The following PSMA6 variants were observed in gnomAD, a reference collection of about 807,000 sequenced individuals.
The protein encoded by PSMA6 is proteasome subunit alpha type-6.
For missense variants in PSMA6, 170 were observed against 294.8 expected, an observed-to-expected ratio of 0.58 and a Z score of 3.10; for synonymous variants, 88 against 97.7, an observed-to-expected ratio of 0.90 and a Z score of 0.59.
At chr14:35,291,845 A>AAAAAAAAC (rs1555335877), upstream of PSMA6, among the ~76,000 whole-genome samples, 5 of 146,560 alleles carry the variant, frequency 3.4e-5, no homozygotes, top group Non-Finnish European at 6.0e-5. Flanking sequence ...AAAAAAAAAA[A>AAAAAAAAC]AAGACTAAAA....
intron 1 of PSMA6, among the ~76,000 whole-genome samples, chr14:35,306,220 C>A (rs926501455): frequency 1.3e-5 from 2 of 151,516 alleles, no homozygotes; most frequent in African/African-American, 2.4e-5. Flanking sequence ...CAGAGCAAGA[C>A]CCTATCTCAA....
At chr14:35,287,159 A>C (rs1268573278) in intron 1 of PSMA6, among the ~76,000 whole-genome samples, 2 of 152,168 alleles carry the variant, frequency 1.3e-5, no homozygotes, top group East Asian at 3.8e-4. Flanking sequence ...AAAGACAAAA[A>C]AGGGAAAGAT....
chr14:35,314,537 C>T, intron 6 of PSMA6, 82 bp downstream of exon 6: 1 of 1,384,970 alleles, frequency 7.2e-7, no homozygotes, highest in South Asian at 1.8e-5. Context: ...TGGGGGAAAT[C>T]TTTTTTCTTT....
At chr14:35,280,315 C>T (rs1407266923) in intron 1 of PSMA6, among the ~76,000 whole-genome samples, 4 of 151,966 alleles carry the variant, frequency 2.6e-5, no homozygotes, top group Admixed American at 2.6e-4. Flanking sequence ...TTTTCTTCCA[C>T]TCCCATTGCC....
chr14:35,316,424 A>T (rs1474902689), intron 6 of PSMA6: 13 of 152,040 alleles, frequency 8.6e-5, no homozygotes, highest in African/African-American at 3.1e-4. Context: ...ATATATGTTC[A>T]ACATGGAGCA....
intron 1 of PSMA6, among the ~76,000 whole-genome samples, chr14:35,300,558 G>A (rs1203825731): frequency 6.6e-6 from 1 of 152,102 alleles, no homozygotes; most frequent in Non-Finnish European, 1.5e-5. Flanking sequence ...AAACCCTAAT[G>A]AGTGAATTAA....
intron 1 of PSMA6, chr14:35,292,893 G>C: frequency 2.0e-6 from 1 of 503,012 alleles, no homozygotes; most frequent in South Asian, 1.6e-5. Context: ...TTTCTAAAGG[G>C]TAATTGATTC....
intron 1 of PSMA6, among the ~76,000 whole-genome samples, chr14:35,282,798 T>C (rs1594371972): frequency 1.3e-5 from 2 of 151,856 alleles, no homozygotes; most frequent in East Asian, 4.0e-4. Context: ...CAGGTTGCAG[T>C]GAGCCAAGAT....
upstream of PSMA6, chr14:35,292,200 C>T: frequency 1.2e-6 from 1 of 808,366 alleles, no homozygotes; most frequent in Non-Finnish European, 1.7e-6. Context: ...GAAAGCGCCA[C>T]GACCCAAGTT....
chr14:35,297,580 T>C (rs2051623122), intron 1 of PSMA6, among the ~76,000 whole-genome samples: 1 of 152,184 alleles, frequency 6.6e-6, no homozygotes, highest in Admixed American at 6.5e-5. Context: ...CACGTTTATA[T>C]GGGAGAAAAT....
intron 1 of PSMA6, among the ~76,000 whole-genome samples, chr14:35,306,494 A>G (rs954866855): frequency 3.3e-5 from 5 of 152,124 alleles, no homozygotes; most frequent in Non-Finnish European, 5.9e-5. Context: ...ACCTGAGGTC[A>G]GGAGTTCAAG....
At chr14:35,311,148 A>T (rs1024523781) in intron 4 of PSMA6, 1 of 334,730 alleles carries the variant, frequency 3.0e-6, no homozygotes, top group Non-Finnish European at 5.4e-6. Context: ...GATTTGAAAG[A>T]TGCAAGTCCT....
intron 1 of PSMA6, among the ~76,000 whole-genome samples, chr14:35,298,967 C>G (rs2051654691): frequency 6.6e-6 from 1 of 152,088 alleles, no homozygotes; most frequent in Non-Finnish European, 1.5e-5. Flanking sequence ...CTCCTGACCT[C>G]AAGTGATCCA....
chr14:35,306,154 G>A (rs543819829), intron 1 of PSMA6, among the ~76,000 whole-genome samples: 39 of 151,940 alleles, frequency 2.6e-4, no homozygotes, highest in African/African-American at 8.9e-4. Context: ...ACTTGGGCCC[G>A]GGAGGTCGAG....
upstream of PSMA6, among the ~76,000 whole-genome samples, chr14:35,291,220 CTT>C (rs549426154): frequency 1.6e-4 from 20 of 125,952 alleles, no homozygotes; most frequent in Admixed American, 1.6e-4. Flanking sequence ...GGCTTTCTTT[CTT>C]TTTTTTTTTT....
intron 1 of PSMA6, among the ~76,000 whole-genome samples, chr14:35,301,789 A>G (rs574895384): frequency 3.9e-4 from 60 of 152,116 alleles, no homozygotes; most frequent in Non-Finnish European, 7.3e-4. Flanking sequence ...TAGGGAAGAT[A>G]CTCTTTTGTG....
At chr14:35,290,994 AT>A (rs201736184), upstream of PSMA6, among the ~76,000 whole-genome samples, 125 of 147,012 alleles carry the variant, frequency 8.5e-4, no homozygotes, top group African/African-American at 1.7e-3. Flanking sequence ...TCAGTTCCAC[AT>A]TTTTTTTTTT....
chr14:35,292,625 C>G, intron 1 of PSMA6, 73 bp downstream of exon 1: 1 of 1,571,926 alleles, frequency 6.4e-7, no homozygotes, highest in South Asian at 1.2e-5. Flanking sequence ...CGAGCAGACG[C>G]GGCCCGGGTT....
chr14:35,283,861 C>A (rs1295351476), intron 1 of PSMA6, among the ~76,000 whole-genome samples: 1 of 152,208 alleles, frequency 6.6e-6, no homozygotes, highest in Admixed American at 6.5e-5. Context: ...CATGAGCCAC[C>A]ATGTCCAGCC....
Sources: allele counts gnomAD v4.1 joint callset (sites outside exome capture counted in the v4.1 genomes callset), GRCh38; gene constraint gnomAD v4.1.1; transcripts MANE v1.5; gene names NCBI Gene and HGNC (gene_info 2026-07-23, HGNC 2026-07-21).